CAMK1D: variants seen among roughly 807,000 people sequenced by gnomAD.
The protein encoded by CAMK1D is calcium/calmodulin-dependent protein kinase type 1D.
Under a neutral mutation model 47.7 loss-of-function variants are expected in CAMK1D, and 9 were observed. That is an observed-to-expected ratio of 0.19 (90% CI 0.11 to 0.33). The LOEUF (loss-of-function observed/expected upper bound fraction) is 0.33, where lower values mean the gene tolerates loss of function less well. Among genes scored for constraint, CAMK1D ranks in the 10% least tolerant of loss-of-function variants. The pLI, the probability that CAMK1D is intolerant of heterozygous loss-of-function variation, is 1.00. For missense variants in CAMK1D, 291 were observed against 488.7 expected, an observed-to-expected ratio of 0.60 and a Z score of 3.81; for synonymous variants, 184 against 184.9, an observed-to-expected ratio of 0.99 and a Z score of 0.04.
intron 2 of CAMK1D, among the ~76,000 whole-genome samples, chr10:12,665,347 T>C (rs1840395372): frequency 2.0e-5 from 3 of 152,250 alleles, no homozygotes; most frequent in Non-Finnish European, 2.9e-5. Context: ...CCTTATAAAC[T>C]TCTTTCGCGG....
chr10:12,459,812 G>C (rs975385769), intron 1 of CAMK1D, among the ~76,000 whole-genome samples: 1 of 152,162 alleles, frequency 6.6e-6, no homozygotes, highest in Non-Finnish European at 1.5e-5. Flanking sequence ...ATTAAATGTT[G>C]GTGAAACTTG....
intron 5 of CAMK1D, among the ~76,000 whole-genome samples, chr10:12,772,781 G>A (rs957362327): frequency 3.9e-5 from 6 of 152,186 alleles, no homozygotes; most frequent in Non-Finnish European, 5.9e-5. Context: ...TAGCAGTGGC[G>A]TTCTTCTATT....
At position 12,373,982 on chromosome 10, in the gene CAMK1D, A is replaced by G. The variant is rs997283767; in HGVS notation, c.92+24072A>G. Among the ~76,000 whole-genome samples the G allele has an allele frequency of 6.7e-5, 9 of 134,750 alleles. No individual in the cohort carries two copies. In the East Asian group the frequency reaches 8.7e-4, roughly 13 times the overall value. The allele number at this position is 134,750 out of a possible 152,430, so 88.4% of individuals were successfully genotyped here. A position where few individuals can be genotyped will look rare whatever the true frequency, so the allele number is the denominator to read the frequency against. Reference sequence around the variant, plus strand: ...AAAAAAAAAAAAAAAAAAAAAGTCCAGGTGCAGTGACTCATGCCTGTAATC... The same window carrying G: ...AAAAAAAAAAAAAAAAAAAAAGTCCGGGTGCAGTGACTCATGCCTGTAATC... On this transcript the variant is annotated intron_variant, in intron 1 of 10. Coordinates refer to ENST00000619168, the MANE Select transcript of CAMK1D (RefSeq NM_153498.4).
At chr10:12,607,410 G>A (rs1838494558) in intron 2 of CAMK1D, among the ~76,000 whole-genome samples, 1 of 152,172 alleles carries the variant, frequency 6.6e-6, no homozygotes, top group Admixed American at 6.5e-5. Context: ...GAGGTGTTGT[G>A]GGTTCTAGGG....
Position 12,615,461 on chromosome 10 carries a change from TGTGA to T in CAMK1D, c.225-51271_225-51268del, listed in dbSNP as rs572648756. ...GAGTGTGTGCATGTGTGTGTGTAGG[TGTGA>T]GTGTGTGCACGTGTGTAGGTGTGTG... is the stretch of plus-strand genomic sequence containing the variant. On this transcript the variant is annotated intron_variant, in intron 2 of 10. Coordinates refer to ENST00000619168, the MANE Select transcript of CAMK1D (RefSeq NM_153498.4). 5.7e-3 allele frequency among the ~76,000 whole-genome samples: 862 copies of T among 151,740 alleles called. 17 individuals carry two copies. The highest frequency in any genetic ancestry group is 0.018 in the African/African-American group (743 of 41,176).
chr10:12,355,452 T>TTG (rs919582333), intron 1 of CAMK1D, among the ~76,000 whole-genome samples: 2 of 151,912 alleles, frequency 1.3e-5, no homozygotes, highest in East Asian at 3.9e-4. Flanking sequence ...GTATATGTGT[T>TTG]TGTGTGTGCG....
intron 2 of CAMK1D, among the ~76,000 whole-genome samples, chr10:12,570,165 A>T (rs11257895): frequency 0.12 from 18,048 of 151,798 alleles, 1,316 homozygotes; most frequent in Non-Finnish European, 0.17. Context: ...GCGCCACTGC[A>T]CTCCAGCCTG....
chr10:12,472,965 T>C (rs1169695223), intron 1 of CAMK1D, among the ~76,000 whole-genome samples: 1 of 152,130 alleles, frequency 6.6e-6, no homozygotes, highest in Non-Finnish European at 1.5e-5. Flanking sequence ...GAAATATCCA[T>C]GTGGGGATTG....
intron 2 of CAMK1D, among the ~76,000 whole-genome samples, chr10:12,629,645 A>G (rs1163403274): frequency 6.6e-6 from 1 of 152,222 alleles, no homozygotes. Flanking sequence ...CAACCTCTAC[A>G]TTATCTCCCA....
intron 3 of CAMK1D, among the ~76,000 whole-genome samples, chr10:12,683,873 C>T (rs1049036810): frequency 4.0e-5 from 6 of 151,778 alleles, no homozygotes; most frequent in Non-Finnish European, 5.9e-5. Context: ...ATTCAGACCC[C>T]TAGTGACTAA....
At chr10:12,468,212 C>A (rs966552268) in intron 1 of CAMK1D, among the ~76,000 whole-genome samples, 1 of 152,132 alleles carries the variant, frequency 6.6e-6, no homozygotes, top group East Asian at 1.9e-4. Flanking sequence ...CTTAACACTA[C>A]ATCCAGCTAT....
In CAMK1D at chr10:12,588,904, G is replaced by GTGTA. The variant is rs752916185; in HGVS notation, c.224+35549_224+35550insGTAT. 6.4e-3 allele frequency among the ~76,000 whole-genome samples: 899 copies of GTGTA among 140,582 alleles called. 7 individuals carry two copies. The highest frequency in any genetic ancestry group is 0.023 in the African/African-American group (717 of 31,128). The allele number at this position is 140,582 out of a possible 152,430, so 92.2% of individuals were successfully genotyped here. On this transcript the variant is annotated intron_variant, in intron 2 of 10. Transcript: ENST00000619168. ...TGTGTGCGTGCGTGTGTGTGTGTGT[G>GTGTA]TATATATAACATGCCCCTATATATA...
chr10:12,391,962 G>A (rs886244868), intron 1 of CAMK1D, among the ~76,000 whole-genome samples: 3 of 142,560 alleles, frequency 2.1e-5, no homozygotes, highest in East Asian at 2.1e-4. Context: ...ATAGCAGAGC[G>A]AGACTTGTCT....
At chr10:12,427,120 C>T (rs1588473657) in intron 1 of CAMK1D, among the ~76,000 whole-genome samples, 1 of 152,174 alleles carries the variant, frequency 6.6e-6, no homozygotes, top group South Asian at 2.1e-4. Flanking sequence ...AAAGTCCTGG[C>T]ATGCTGTAGA....
chr10:12,817,915 C>G (rs765235734), intron 8 of CAMK1D, among the ~76,000 whole-genome samples: 18 of 152,176 alleles, frequency 1.2e-4, no homozygotes, highest in Non-Finnish European at 2.4e-4. Context: ...TCTCAAACTC[C>G]TGACCTCAGG....
chr10:12,694,319 T>G, intron 3 of CAMK1D, among the ~76,000 whole-genome samples: 1 of 65,674 alleles, frequency 1.5e-5, no homozygotes, highest in African/African-American at 6.1e-5. Context: ...ATATAAAATA[T>G]AATATATAAA....
intron 1 of CAMK1D, among the ~76,000 whole-genome samples, chr10:12,427,569 C>T (rs1303437730): frequency 2.0e-5 from 3 of 152,076 alleles, no homozygotes; most frequent in Non-Finnish European, 2.9e-5. Context: ...GAATAACCAG[C>T]GCCCCAGCCT....
At chr10:12,569,420 TTGTG>T (rs1322271079) in intron 2 of CAMK1D, among the ~76,000 whole-genome samples, 1 of 152,022 alleles carries the variant, frequency 6.6e-6, no homozygotes, top group Admixed American at 6.6e-5. Context: ...CTCTTAAAAA[TTGTG>T]TGGTGCTGGG....
rs1484072183 is a variant in CAMK1D, at chr10:12,568,252, C to T, written c.224+14896C>T. Among the ~76,000 whole-genome samples, 10 of 63,360 alleles carry T rather than the reference C, an allele frequency of 1.6e-4. No individual in the cohort carries two copies. The East Asian group carries it at 3.8e-3, about 24-fold the overall frequency. The allele number at this position is 63,360 out of a possible 152,430, so 41.6% of individuals were successfully genotyped here. A position where few individuals can be genotyped will look rare whatever the true frequency, so the allele number is the denominator to read the frequency against. On this transcript the variant is annotated intron_variant, in intron 2 of 10. Transcript: ENST00000619168. ...CCCTTCCCTTCCTTCCCCTCCCTTC[C>T]CCTCCCCTACCCTTCTCCGTCCCCC...
Sources: gnomAD v4.1 joint callset for allele counts (sites outside exome capture counted in the v4.1 genomes callset) on GRCh38, gnomAD v4.1.1 for gene constraint, MANE v1.5 for transcripts, NCBI Gene and HGNC (gene_info 2026-07-23, HGNC 2026-07-21) for gene names.